The following TRRAP variants were observed in gnomAD, a reference collection of about 807,000 sequenced individuals.
The protein encoded by TRRAP is transformation/transcription domain associated protein.
Under a neutral mutation model 438.8 loss-of-function variants are expected in TRRAP, and 41 were observed. The ratio of observed to expected loss-of-function variants is 0.09; its 90% confidence interval spans 0.07 to 0.12. The LOEUF (loss-of-function observed/expected upper bound fraction) is 0.12. Ranked by LOEUF, TRRAP falls within the 10% of genes least tolerant of loss-of-function variation. TRRAP has a pLI of 1.00. For synonymous variants in TRRAP, 1,994 were observed against 1,962.9 expected (o/e 1.02, Z -0.42); for missense variants, 3,122 against 5,055.1 (o/e 0.62, Z 11.60).
At chr7:98,989,079 C>G in intron 63 of TRRAP, 113 bp downstream of exon 63, 1 of 1,067,356 alleles carries the variant, frequency 9.4e-7, no homozygotes. Flanking sequence ...GATTTCATGC[C>G]TTAACTCTTA....
At chr7:99,004,066 TTCATC>T (rs1794058580) in intron 67 of TRRAP, 119 bp from the exon 68 acceptor site, 1 of 996,440 alleles carries the variant, frequency 1.0e-6, no homozygotes. Context: ...AGAGTGAAAC[TTCATC>T]TCAAAACAAA....
At position 98,977,004 on chromosome 7, in the gene TRRAP, G is replaced by A. The variant is rs1792691960; in HGVS notation, c.8313G>A (p.Leu2771=). 1 of 1,614,230 alleles carries A rather than the reference G, an allele frequency of 6.2e-7. No homozygotes were observed. ...LLQEEDMWAG[L]WQKRCKYSET... is the part of the protein sequence containing the mutation. ...AAGAGGAAGATATGTGGGCTGGTCT[G>A]TGGCAGAAGCGGTGCAAGTACTCGG... is the stretch of plus-strand genomic sequence containing the variant. The change falls in exon 56 of 73, where the codon CTG becomes CTA. Residue 2771 remains leucine (L), a synonymous_variant. Coordinates refer to ENST00000456197, the MANE Select transcript of TRRAP (RefSeq NM_001375524.1).
In TRRAP at chr7:98,910,207, C is replaced by T. The variant is rs782052492; in HGVS notation, c.1502C>T (p.Ala501Val). Residue 501 changes from alanine to valine, a missense_variant, in exon 15 of 73, where the codon GCC (alanine) becomes GTC (valine). Ala to Val is a moderately conservative substitution (Grantham distance 64). This residue lies in a region of TRRAP where 115 missense variants were observed against 124.6 expected (regional missense o/e 0.92). Coordinates refer to ENST00000456197, the MANE Select transcript of TRRAP (RefSeq NM_001375524.1). ...PAAPGPAPSPAPVPAPPPPPP... is the reference protein window; with the variant it reads ...PAAPGPAPSPVPVPAPPPPPP... ...GCTCCTGGCCCTGCTCCCTCCCCAG[C>T]CCCTGTCCCTGCCCCACCTCCACCC... The T allele has an allele frequency of 2.5e-6, 4 of 1,583,276 alleles. No individual in the cohort carries two copies. The highest frequency in any genetic ancestry group is 1.4e-5 in the African/African-American group (1 of 73,866).
At chr7:98,991,930 T>C (rs1264538991) in intron 64 of TRRAP, among the ~76,000 whole-genome samples, 1 of 152,254 alleles carries the variant, frequency 6.6e-6, no homozygotes, top group Admixed American at 6.5e-5. Context: ...TTGATGTGTC[T>C]TGGCTCTTTT....
At chr7:98,971,691 G>C in intron 52 of TRRAP, 108 bp from the exon 53 acceptor site, 1 of 1,389,496 alleles carries the variant, frequency 7.2e-7, no homozygotes, top group Non-Finnish European at 9.8e-7. Flanking sequence ...TCCAGGAAAC[G>C]AACACGAATT....
In TRRAP at chr7:98,935,603, G is replaced by A. The variant is rs1185344947; in HGVS notation, c.4039G>A (p.Asp1347Asn). The A allele has an allele frequency of 1.1e-5, 17 of 1,602,290 alleles. No individual in the cohort carries two copies. The highest frequency in any genetic ancestry group is 1.4e-5 in the Non-Finnish European group (16 of 1,170,120). ...GCTGTTGAATTTGTGTGAGGCTGAA[G>A]ATTCAGCTTTAACAAAGCTGCCCTG... The part of the protein sequence containing the change: ...TELLNLCEAE[D>N]SALTKLPCYK... The change falls in exon 28 of 73, where the codon GAT becomes AAT. Residue 1347 changes from aspartate to asparagine, a missense_variant. This residue lies in a region of TRRAP where 84 missense variants were observed against 119.8 expected (regional missense o/e 0.70). Transcript: ENST00000456197.
intron 67 of TRRAP, among the ~76,000 whole-genome samples, chr7:98,997,687 A>G (rs1407340765): frequency 6.6e-6 from 1 of 152,134 alleles, no homozygotes; most frequent in Non-Finnish European, 1.5e-5. Flanking sequence ...AAATAAAATC[A>G]TGTGTTGCTG....
rs1584383262 is a variant in TRRAP, at chr7:98,976,392, C to T, written c.7960-91C>T. 6 of 1,568,122 alleles carry T rather than the reference C, an allele frequency of 3.8e-6. No individual in the cohort carries two copies. Among genetic ancestry groups the T allele is most frequent in the East Asian group, 4.5e-5 (2 of 44,430 alleles). On this transcript the variant is annotated intron_variant, in intron 54 of 72. Transcript: ENST00000456197. The surrounding 1 kb of genome is among the most constrained non-coding windows in gnomAD (Gnocchi z 4.6). ...AGGGAACCGCTGGCTGTCACTCGAG[C>T]GAATTAGGAAAGGTATTCTTGCATC...
At chr7:98,989,838 G>A (rs752434808) in intron 63 of TRRAP, among the ~76,000 whole-genome samples, 6 of 152,258 alleles carry the variant, frequency 3.9e-5, no homozygotes, top group African/African-American at 1.2e-4. Flanking sequence ...AGGTTAACGG[G>A]TGGGCAGGCC....
At position 98,967,550 on chromosome 7, in the gene TRRAP, G is replaced by A. The variant is rs762068238; in HGVS notation, c.7364G>A (p.Arg2455His). ...GAGCCTGCCTTTCTCTCTGGGCTGC[G>A]CTGTGCCCAGCCACTCATCAGGGCA... ...KLEPAFLSGL[R>H]CAQPLIRAKF... Residue 2455 changes from arginine to histidine, a missense_variant, in exon 51 of 73, where the codon CGC becomes CAC. By Grantham distance (29) the Arg-to-His change is conservative (BLOSUM62 0). This residue lies in a region of TRRAP where 992 missense variants were observed against 1,281.2 expected (regional missense o/e 0.77). Coordinates refer to ENST00000456197, the MANE Select transcript of TRRAP (RefSeq NM_001375524.1). 5.6e-6 allele frequency: 9 copies of A among 1,613,954 alleles called. No individual in the cohort carries two copies. The highest frequency in any genetic ancestry group is 3.3e-5 in the Admixed American group (2 of 59,996).
chr7:98,995,947 C>T (rs1263378815), intron 67 of TRRAP, among the ~76,000 whole-genome samples: 4 of 149,520 alleles, frequency 2.7e-5, no homozygotes, highest in Non-Finnish European at 3.0e-5. Flanking sequence ...CTCACACTCC[C>T]GTCCCATCCT....
chr7:98,904,483 C>CAAAAAA (rs59353514), intron 12 of TRRAP, among the ~76,000 whole-genome samples: 5 of 45,562 alleles, frequency 1.1e-4, no homozygotes, highest in Non-Finnish European at 4.9e-5. Flanking sequence ...GACTCTGTCT[C>CAAAAAA]AAAAAAAAAA....
chr7:98,956,111 C>T lies in TRRAP; in HGVS notation c.5938-35C>T. The T allele has an allele frequency of 1.4e-6, 2 of 1,473,534 alleles. No individual in the cohort carries two copies. Among genetic ancestry groups the T allele is most frequent in the Non-Finnish European group, 9.0e-7 (1 of 1,114,502 alleles). 91.3% of individuals were successfully genotyped at this position (1,473,534 alleles called of 1,614,324 possible). A position where few individuals can be genotyped will look rare whatever the true frequency, so the allele number is the denominator to read the frequency against. ...TGCATGCACTGTGGGACCAAGCTCC[C>T]ATGTTCCGGCGTGATGCTGGCCCTG... On this transcript the variant is annotated intron_variant, in intron 41 of 72. Coordinates refer to ENST00000456197, the MANE Select transcript of TRRAP (RefSeq NM_001375524.1). The surrounding 1 kb of genome is among the most constrained non-coding windows in gnomAD (Gnocchi z 4.5).
chr7:98,986,096 A>G (rs1793138653), intron 62 of TRRAP, among the ~76,000 whole-genome samples: 1 of 152,200 alleles, frequency 6.6e-6, no homozygotes, highest in South Asian at 2.1e-4. Flanking sequence ...TTCAAGCTTC[A>G]TCCATGTGCT....
At chr7:98,912,295 G>C (rs1789308417) in intron 18 of TRRAP, 82 bp downstream of exon 18, 5 of 1,478,116 alleles carry the variant, frequency 3.4e-6, no homozygotes, top group Non-Finnish European at 4.6e-6. Context: ...GTGGTGTCCA[G>C]GCTGGTCAGC....
At chr7:98,972,837 C>T (rs755111390) in intron 53 of TRRAP, among the ~76,000 whole-genome samples, 1 of 152,192 alleles carries the variant, frequency 6.6e-6, no homozygotes, top group Non-Finnish European at 1.5e-5. Flanking sequence ...TGCACTGGAT[C>T]AGTCTTTGAA....
Position 98,981,776 on chromosome 7 carries a change from T to C in TRRAP, c.8642T>C (p.Val2881Ala). ...ACGTTCTTTCACTGCCAGGTGGAAGTGAGCTGTCCGAAGGAGATGGCCTGG... is the reference window on the plus strand; with the variant it reads ...ACGTTCTTTCACTGCCAGGTGGAAGCGAGCTGTCCGAAGGAGATGGCCTGG... ...AMKEALVQVE[V>A]SCPKEMAWKV... Residue 2881 changes from valine to alanine, a missense_variant, in exon 59 of 73, where the codon GTG becomes GCG. Physicochemically the swap from Val to Ala is moderately conservative, Grantham distance 64. Coordinates refer to ENST00000456197, the MANE Select transcript of TRRAP (RefSeq NM_001375524.1). The C allele has an allele frequency of 6.3e-7, 1 of 1,599,802 alleles. No homozygotes were observed. Among genetic ancestry groups the C allele is most frequent in the Non-Finnish European group, 8.5e-7 (1 of 1,174,074 alleles).
chr7:98,943,434 T>G (rs1349451671), intron 31 of TRRAP, among the ~76,000 whole-genome samples: 1 of 152,216 alleles, frequency 6.6e-6, no homozygotes, highest in Non-Finnish European at 1.5e-5. Context: ...GTTTAATCAT[T>G]ATTGCCTGAT....
intron 70 of TRRAP, 37 bp downstream of exon 70, chr7:99,008,598 C>T (rs937341299): frequency 6.2e-7 from 1 of 1,605,384 alleles, no homozygotes; most frequent in Admixed American, 1.7e-5. Context: ...GAGCTGCCGC[C>T]TGCAGCCCTC....
Sources: allele counts gnomAD v4.1 joint callset (sites outside exome capture counted in the v4.1 genomes callset), GRCh38; gene constraint gnomAD v4.1.1; regional missense constraint gnomAD v4.1.1; non-coding constraint Gnocchi (gnomAD v3.1); transcripts MANE v1.5; gene names NCBI Gene and HGNC (gene_info 2026-07-23, HGNC 2026-07-21).